Variants in RBM19 observed in about 807,000 individuals in gnomAD.
RBM19 encodes RNA binding motif protein 19.
In RBM19, 94 loss-of-function variants were observed where a neutral mutation model predicts 116.8. The ratio of observed to expected loss-of-function variants is 0.80; its 90% CI spans 0.68 to 0.95. The LOEUF (loss-of-function observed/expected upper bound fraction) is 0.95. Among genes scored for constraint, RBM19 ranks in the 40% least tolerant of loss-of-function variants. RBM19 has a pLI of 0.00. For missense variants in RBM19, 1,161 were observed against 1,220.7 expected (o/e 0.95, Z 0.73); for synonymous variants, 475 against 494.1 (o/e 0.96, Z 0.51).
chr12:113,819,209 C>T (rs564897334), downstream of RBM19, among the ~76,000 whole-genome samples: 1 of 152,310 alleles, frequency 6.6e-6, no homozygotes, highest in African/African-American at 2.4e-5. Flanking sequence ...CCCGTTCCTC[C>T]CAGCTAACTG....
intron 18 of RBM19, among the ~76,000 whole-genome samples, chr12:113,922,149 T>A (rs970609312): frequency 6.6e-6 from 1 of 152,126 alleles, no homozygotes; most frequent in African/African-American, 2.4e-5. Flanking sequence ...GGTCACACGT[T>A]TTCCTTTAAT....
At chr12:113,924,073 G>C (rs1311588429) in intron 18 of RBM19, among the ~76,000 whole-genome samples, 1 of 152,198 alleles carries the variant, frequency 6.6e-6, no homozygotes, top group East Asian at 1.9e-4. Flanking sequence ...CGAAAGCAAG[G>C]ACGTATCCCC....
At chr12:113,865,217 T>A (rs757066383) in intron 21 of RBM19, among the ~76,000 whole-genome samples, 1 of 152,188 alleles carries the variant, frequency 6.6e-6, no homozygotes, top group Non-Finnish European at 1.5e-5. Flanking sequence ...CCACCAAACG[T>A]ATGCTTACCT....
chr12:113,930,954 T>C (rs915215369), intron 16 of RBM19, among the ~76,000 whole-genome samples: 4 of 152,078 alleles, frequency 2.6e-5, no homozygotes, highest in African/African-American at 7.2e-5. Context: ...ACCTATAAAA[T>C]AGAGCTTATT....
At chr12:113,873,041 G>A (rs867915679) in intron 21 of RBM19, among the ~76,000 whole-genome samples, 1,709 of 63,088 alleles carry the variant, frequency 0.027, no homozygotes, top group Admixed American at 0.044. Flanking sequence ...CAGCCGCCCC[G>A]TCCGGGAGGG....
chr12:113,842,139 G>A (rs542637394), intron 23 of RBM19, among the ~76,000 whole-genome samples: 2 of 152,240 alleles, frequency 1.3e-5, no homozygotes, highest in Non-Finnish European at 2.9e-5. Flanking sequence ...TGGCTGTGGA[G>A]ACAGTCAATC....
intron 14 of RBM19, 87 bp from the exon 15 acceptor site, chr12:113,940,247 A>C: frequency 7.2e-7 from 1 of 1,385,558 alleles, no homozygotes; most frequent in Non-Finnish European, 9.9e-7. Context: ...GGCTCTCCAG[A>C]CAAGGCTCTC....
chr12:113,918,873 C>T (rs1422184375), intron 19 of RBM19, among the ~76,000 whole-genome samples: 2 of 152,192 alleles, frequency 1.3e-5, no homozygotes, highest in Admixed American at 6.5e-5. Context: ...TCCCTCAAGG[C>T]AGAACTGGTG....
intron 23 of RBM19, among the ~76,000 whole-genome samples, chr12:113,830,200 C>G (rs1165405827): frequency 1.3e-5 from 2 of 152,182 alleles, no homozygotes; most frequent in Non-Finnish European, 2.9e-5. Context: ...AAAGCATGAA[C>G]AGACCCAGGC....
chr12:113,873,565 C>T (rs1428628883), intron 21 of RBM19, among the ~76,000 whole-genome samples: 1 of 119,044 alleles, frequency 8.4e-6, no homozygotes, highest in African/African-American at 3.3e-5. Context: ...GGTCCTCTGC[C>T]TAGGAAAACC....
At chr12:113,948,410 C>G (rs868793733) in intron 10 of RBM19, among the ~76,000 whole-genome samples, 3 of 152,286 alleles carry the variant, frequency 2.0e-5, no homozygotes, top group South Asian at 2.1e-4. Context: ...GATAAGAAGA[C>G]TTTACATAAT....
chr12:113,837,473 C>G (rs12578651), intron 23 of RBM19, among the ~76,000 whole-genome samples: 44,724 of 152,230 alleles, frequency 0.29, 7,471 homozygotes, highest in Non-Finnish European at 0.38. Flanking sequence ...GTTGACTGCA[C>G]GTGATGTGCC....
At chr12:113,844,897 C>G in intron 22 of RBM19, 109 bp from the exon 23 acceptor site, 1 of 1,430,938 alleles carries the variant, frequency 7.0e-7, no homozygotes, top group Non-Finnish European at 9.3e-7. Flanking sequence ...AGCCCAGGTT[C>G]TGGCCCCGTG....
At chr12:113,872,558 C>T (rs1166507380) in intron 21 of RBM19, among the ~76,000 whole-genome samples, 110 of 105,218 alleles carry the variant, frequency 1.0e-3, no homozygotes, top group African/African-American at 3.2e-3. Flanking sequence ...CCGCCCCGTC[C>T]GGGAGGGAGG....
In RBM19 at chr12:113,948,949, C is replaced by A. The variant is rs772937607; in HGVS notation, c.1160G>T (p.Arg387Leu). 1 of 1,614,214 alleles carries A rather than the reference C, an allele frequency of 6.2e-7. No homozygotes were observed. The change falls in exon 10 of 24, where the codon CGG (arginine) becomes CTG (leucine). Residue 387 changes from arginine (R) to leucine (L), a missense_variant. Arg to Leu is a moderately radical substitution (Grantham distance 102, BLOSUM62 -2). Coordinates refer to ENST00000261741, the MANE Select transcript of RBM19 (RefSeq NM_016196.4). ...PKNTTKSWQG[R>L]ILGENEEEED... The stretch of plus-strand genomic sequence containing the variant: ...CTCCTCTTCGTTCTCCCCGAGTATC[C>A]GGCCTTGCCAGGATTTGGTGGTATT...
chr12:113,959,864 C>T lies in RBM19; in HGVS notation c.378+1G>A, dbSNP rs1872329948. 6.2e-7 allele frequency: 1 copy of T among 1,614,172 alleles called. No homozygotes were observed. The highest frequency in any genetic ancestry group is 8.5e-7 in the Non-Finnish European group (1 of 1,180,024). ...CTCCTTGGGCAACAGGACAGACTCA[C>T]CTTCTCCAGTTGACCTGCCACCTTT... On this transcript the variant is annotated splice_donor_variant, in intron 4 of 23. Transcript: ENST00000261741. LOFTEE classifies it high-confidence loss of function.
At chr12:113,928,464 AAGG>A (rs1258213550) in intron 16 of RBM19, among the ~76,000 whole-genome samples, 1 of 144,844 alleles carries the variant, frequency 6.9e-6, no homozygotes, top group Non-Finnish European at 1.5e-5. Context: ...TGATCACAGG[AAGG>A]AGATGCACAA....
intron 6 of RBM19, 113 bp from the exon 7 acceptor site, chr12:113,955,324 G>T: frequency 1.0e-6 from 1 of 953,276 alleles, no homozygotes; most frequent in Non-Finnish European, 1.7e-6. Context: ...GCCAGGGGGA[G>T]CTGGGGAATG....
chr12:113,880,182 C>CA (rs1880001861), intron 21 of RBM19, among the ~76,000 whole-genome samples: 2 of 151,342 alleles, frequency 1.3e-5, no homozygotes, highest in Admixed American at 6.6e-5. Context: ...TACTTATGCC[C>CA]AAAAAAACAA....
Sources: gnomAD v4.1 joint callset for allele counts (sites outside exome capture counted in the v4.1 genomes callset) on GRCh38, gnomAD v4.1.1 for gene constraint, MANE v1.5 for transcripts, NCBI Gene and HGNC (gene_info 2026-07-23, HGNC 2026-07-21) for gene names.